MBD3L1: variants seen among roughly 807,000 people sequenced by gnomAD.
MBD3L1 encodes the protein methyl-CpG binding domain protein 3 like 1, also known as methyl-CpG-binding domain protein 3-like 1.
For missense variants in MBD3L1, 203 were observed against 230.1 expected, an observed-to-expected ratio of 0.88 and a Z score of 0.76; for synonymous variants, 84 against 85.1, an observed-to-expected ratio of 0.99 and a Z score of 0.07.
rs764706444 is a variant in MBD3L1 at position 8,842,817 on chromosome 19, G to A, written c.139G>A (p.Gly47Ser). 1 of 1,614,180 alleles carries A rather than the reference G, an allele frequency of 6.2e-7. No homozygotes were observed. Among genetic ancestry groups the A allele is most frequent in the Non-Finnish European group, 8.5e-7 (1 of 1,180,034 alleles). The part of the protein sequence containing the change: ...RPVTRITPHP[G>S]NEVRYHQWEE... ...AGTAACGAGAATTACACCCCATCCTGGCAATGAGGTCAGATACCATCAATG... is the reference window on the plus strand; with the variant it reads ...AGTAACGAGAATTACACCCCATCCTAGCAATGAGGTCAGATACCATCAATG... Residue 47 changes from glycine (G) to serine (S), a missense_variant, in exon 3 of 3, where the codon GGC (glycine) becomes AGC (serine). Physicochemically the swap from Gly to Ser is moderately conservative, Grantham distance 56 (BLOSUM62 0). Transcript: ENST00000595891.
Position 8,832,540 on chromosome 19 carries a change from G to A in MBD3L1, c.-107+18G>A, listed in dbSNP as rs928625179. 8.5e-5 allele frequency: 13 copies of A among 153,178 alleles called. No individual in the cohort carries two copies. Among genetic ancestry groups the A allele is most frequent in the Admixed American group, 3.3e-4 (5 of 15,302 alleles). 9.5% of individuals were successfully genotyped at this position (153,178 alleles called of 1,614,324 possible). ...TAGCGGGGGTAAGGTTGGCCCTGGG[G>A]GCGGGGCCAGGCTGTGAGCCGCACG... On this transcript the variant is annotated intron_variant, in intron 1 of 2. Transcript: ENST00000595891.
chr19:8,833,241 G>A (rs1220662820), intron 1 of MBD3L1: 1 of 152,174 alleles, frequency 6.6e-6, no homozygotes, highest in African/African-American at 2.4e-5. Context: ...CAACCCAATA[G>A]GATCAGATTA....
chr19:8,842,377 G>A (rs2044522461), intron 2 of MBD3L1, among the ~76,000 whole-genome samples: 2 of 151,160 alleles, frequency 1.3e-5, no homozygotes, highest in African/African-American at 4.9e-5. Flanking sequence ...TATTTGTCAT[G>A]AGAGGGAGTA....
chr19:8,837,558 G>T (rs989726608), intron 1 of MBD3L1, among the ~76,000 whole-genome samples: 1 of 152,162 alleles, frequency 6.6e-6, no homozygotes, highest in Admixed American at 6.5e-5. Context: ...TCGAATGGGG[G>T]TGGCTAGAAA....
intron 2 of MBD3L1, among the ~76,000 whole-genome samples, chr19:8,842,301 T>C (rs1452840308): frequency 7.5e-6 from 1 of 132,988 alleles, no homozygotes; most frequent in East Asian, 2.1e-4. Flanking sequence ...CACTCCAGCC[T>C]GAGTGACGGA....
chr19:8,836,183 A>G (rs1466835938), intron 1 of MBD3L1, among the ~76,000 whole-genome samples: 1 of 152,236 alleles, frequency 6.6e-6, no homozygotes, highest in Non-Finnish European at 1.5e-5. Flanking sequence ...TTTTTATTTA[A>G]AAAATGTAGA....
rs572148154 is a variant in MBD3L1, at chr19:8,836,888, T to C, written c.-106-4027T>C. On this transcript the variant is annotated intron_variant, in intron 1 of 2. Transcript: ENST00000595891. Reference sequence around the variant, plus strand: ...AAAATCTATGACATGTGGGCTCATATCATTATTACATAAAGAATATTTTGG... The same window carrying C: ...AAAATCTATGACATGTGGGCTCATACCATTATTACATAAAGAATATTTTGG... Among the ~76,000 whole-genome samples the C allele has an allele frequency of 6.6e-5, 10 of 152,296 alleles. No homozygotes were observed. The South Asian group carries it at 1.9e-3, about 28-fold the overall frequency.
intron 2 of MBD3L1, 58 bp from the exon 3 acceptor site, chr19:8,842,600 C>A: frequency 7.9e-7 from 1 of 1,261,270 alleles, no homozygotes; most frequent in Non-Finnish European, 1.1e-6. Context: ...AGATCCTTGT[C>A]CTGAGAAGGC....
chr19:8,840,682 T>A (rs1168896996), intron 1 of MBD3L1, among the ~76,000 whole-genome samples: 3 of 152,186 alleles, frequency 2.0e-5, no homozygotes, highest in African/African-American at 7.2e-5. Context: ...ATTTGGCAAC[T>A]AACGTCTTTG....
At chr19:8,834,000 A>G (rs1167340729) in intron 1 of MBD3L1, among the ~76,000 whole-genome samples, 2 of 152,082 alleles carry the variant, frequency 1.3e-5, no homozygotes, top group African/African-American at 4.8e-5. Context: ...AAAACAAAAC[A>G]AAACAAAAAC....
At chr19:8,840,387 G>C (rs1017837971) in intron 1 of MBD3L1, among the ~76,000 whole-genome samples, 2 of 151,948 alleles carry the variant, frequency 1.3e-5, no homozygotes, top group Non-Finnish European at 2.9e-5. Context: ...CTGCAACCTC[G>C]ACCTCCTGGG....
intron 1 of MBD3L1, among the ~76,000 whole-genome samples, chr19:8,836,693 C>T (rs2044459659): frequency 6.6e-6 from 1 of 152,112 alleles, no homozygotes; most frequent in Admixed American, 6.6e-5. Flanking sequence ...GGACTCGCCA[C>T]ACCACAGAGG....
chr19:8,839,658 A>G (rs1328246310), intron 1 of MBD3L1, among the ~76,000 whole-genome samples: 1 of 152,164 alleles, frequency 6.6e-6, no homozygotes, highest in Non-Finnish European at 1.5e-5. Flanking sequence ...GGCCTTAGCA[A>G]CAGAAGCAGC....
chr19:8,839,185 C>CTTTTTTTTT (rs57499698), intron 1 of MBD3L1, among the ~76,000 whole-genome samples: 2 of 122,128 alleles, frequency 1.6e-5, no homozygotes. Flanking sequence ...CTTTTCTTTT[C>CTTTTTTTTT]TTTTTTTTTT....
At chr19:8,835,501 TAATTAA>T (rs1016452577) in intron 1 of MBD3L1, among the ~76,000 whole-genome samples, 3 of 152,238 alleles carry the variant, frequency 2.0e-5, no homozygotes, top group African/African-American at 4.8e-5. Context: ...CCCATTGGGA[TAATTAA>T]AATTAAAAAG....
chr19:8,834,614 A>C (rs1014085768), intron 1 of MBD3L1, among the ~76,000 whole-genome samples: 1 of 151,026 alleles, frequency 6.6e-6, no homozygotes, highest in African/African-American at 2.4e-5. Flanking sequence ...CAAAAAAAAA[A>C]AACAAACCAA....
rs768856681 is a variant in MBD3L1, at chr19:8,843,028, G to T, written c.350G>T (p.Cys117Phe). The change falls in exon 3 of 3, where the codon TGC (cysteine) becomes TTC (phenylalanine). Residue 117 changes from cysteine to phenylalanine, a missense_variant. Cys to Phe is a radical substitution (Grantham distance 205, BLOSUM62 -2). Transcript: ENST00000595891. ...CTTGCCAGTGGTCTGGAGCACTCCT[G>T]CCCCATGCCCCACCTTGCCTGCTCT... is the stretch of plus-strand genomic sequence containing the variant. ...EDLASGLEHS[C>F]PMPHLACSSD... 1.9e-6 allele frequency: 3 copies of T among 1,614,166 alleles called. No individual in the cohort carries two copies. The highest frequency in any genetic ancestry group is 2.5e-6 in the Non-Finnish European group (3 of 1,180,010).
At position 8,842,829 on chromosome 19, in the gene MBD3L1, A is replaced by C. The variant is rs1206824957; in HGVS notation, c.151A>C (p.Arg51=). The part of the protein sequence containing the change: ...RITPHPGNEV[R]YHQWEESLEK... ...TACACCCCATCCTGGCAATGAGGTC[A>C]GATACCATCAATGGGAGGAGAGCTT... is the stretch of plus-strand genomic sequence containing the variant. Residue 51 remains arginine, a synonymous_variant, in exon 3 of 3, where the codon AGA becomes CGA. Coordinates refer to ENST00000595891, the MANE Select transcript of MBD3L1 (RefSeq NM_001393532.1). The C allele has an allele frequency of 5.0e-6, 8 of 1,614,184 alleles. No homozygotes were observed. The highest frequency in any genetic ancestry group is 6.8e-6 in the Non-Finnish European group (8 of 1,180,046).
intron 1 of MBD3L1, among the ~76,000 whole-genome samples, chr19:8,834,477 G>A (rs538872795): frequency 1.3e-5 from 2 of 151,716 alleles, no homozygotes; most frequent in African/African-American, 2.4e-5. Flanking sequence ...GCGTGGTGGC[G>A]GGCGCCTATA....
Sources: gnomAD v4.1 joint callset for allele counts (sites outside exome capture counted in the v4.1 genomes callset) on GRCh38, gnomAD v4.1.1 for gene constraint, MANE v1.5 for transcripts, NCBI Gene and HGNC (gene_info 2026-07-23, HGNC 2026-07-21) for gene names.